PTPRD: variants seen among roughly 807,000 people sequenced by gnomAD.
PTPRD encodes the protein protein tyrosine phosphatase receptor type D, also known as receptor-type tyrosine-protein phosphatase delta.
PTPRD carries 34 observed loss-of-function variants against 214.5 expected under a neutral mutation model. The observed-to-expected ratio is 0.16, with a 90% CI of 0.12 to 0.21. The LOEUF is 0.21. Ranked by LOEUF, PTPRD falls within the 10% of genes least tolerant of loss-of-function variation. The probability of loss-of-function intolerance (pLI) is 1.00; values close to 1 mark genes in which losing one functional copy is unlikely to be tolerated. For missense variants in PTPRD, 2,545 were observed against 2,398.7 expected, an observed-to-expected ratio of 1.06 and a Z score of -1.27; for synonymous variants, 1,128 against 845.7, an observed-to-expected ratio of 1.33 and a Z score of -5.79.
intron 9 of PTPRD, among the ~76,000 whole-genome samples, chr9:9,367,643 T>A (rs990665335): frequency 6.6e-6 from 1 of 151,478 alleles, no homozygotes; most frequent in Admixed American, 6.6e-5. Flanking sequence ...GAAGTTAAAT[T>A]TTTAGGCTAT....
In PTPRD at chr9:8,353,920, A is replaced by ATATATGTG. The variant is rs1241512494; in HGVS notation, c.4662-11943_4662-11942insCACATATA. Reference sequence around the variant, plus strand: ...TATATGTATATATGTGTATATATGTATATATATGTGTGTGTACATATATAT... The same window carrying ATATATGTG: ...TATATGTATATATGTGTATATATGTATATATGTGTATATATGTGTGTGTACATATATAT... On this transcript the variant is annotated intron_variant, in intron 39 of 45. Coordinates refer to ENST00000381196, the MANE Select transcript of PTPRD (RefSeq NM_002839.4). Among the ~76,000 whole-genome samples the ATATATGTG allele has an allele frequency of 1.1e-3, 151 of 131,758 alleles. 14 individuals are homozygous for ATATATGTG. Among genetic ancestry groups the ATATATGTG allele is most frequent in the African/African-American group, 4.6e-3 (138 of 29,684 alleles). The allele number at this position is 131,758 out of a possible 152,430, so 86.4% of individuals were successfully genotyped here.
rs61249776 is a variant in PTPRD, at chr9:10,280,360, CCA to C, written c.-545+60601_-545+60602del. 7.7e-3 allele frequency among the ~76,000 whole-genome samples: 1,105 copies of C among 144,196 alleles called. 13 individuals are homozygous for C. Among genetic ancestry groups the C allele is most frequent in the African/African-American group, 0.022 (858 of 38,708 alleles). 94.6% of individuals were successfully genotyped at this position (144,196 alleles called of 152,430 possible). A position where few individuals can be genotyped will look rare whatever the true frequency, so the allele number is the denominator to read the frequency against. On this transcript the variant is annotated intron_variant, in intron 3 of 45. Coordinates refer to ENST00000381196, the MANE Select transcript of PTPRD (RefSeq NM_002839.4). ...AGAAAAATATTTAAATACATAAACA[CCA>C]CACACACACACACACACACACACAC...
At position 8,554,305 on chromosome 9, in the gene PTPRD, C is replaced by G. The variant is rs193241010; in HGVS notation, c.353-25526G>C. On this transcript the variant is annotated intron_variant, in intron 14 of 45. Coordinates refer to ENST00000381196, the MANE Select transcript of PTPRD (RefSeq NM_002839.4). ...TGAGTTATGAGGAAGAGAAATAAAT[C>G]TGATATTGCTAGAAATAGAAAAAAA... is the stretch of plus-strand genomic sequence containing the variant. Among the ~76,000 whole-genome samples the G allele has an allele frequency of 2.1e-3, 322 of 152,174 alleles. 4 individuals are homozygous for G. Among genetic ancestry groups the G allele is most frequent in the African/African-American group, 7.0e-3 (290 of 41,498 alleles).
At chr9:9,307,656 G>C (rs1370934288) in intron 9 of PTPRD, among the ~76,000 whole-genome samples, 4 of 151,968 alleles carry the variant, frequency 2.6e-5, no homozygotes, top group Admixed American at 1.3e-4. Flanking sequence ...CTCTATACTG[G>C]TGCCAAAGTG....
intron 5 of PTPRD, among the ~76,000 whole-genome samples, chr9:9,802,643 C>T (rs747149367): frequency 1.0e-4 from 15 of 149,666 alleles, no homozygotes; most frequent in Admixed American, 7.9e-4. Flanking sequence ...ATGCTAGGAA[C>T]GTTTTTTTTT....
intron 11 of PTPRD, among the ~76,000 whole-genome samples, chr9:8,972,306 G>C (rs1386116817): frequency 2.0e-5 from 3 of 151,858 alleles, no homozygotes; most frequent in Non-Finnish European, 2.9e-5. Context: ...AACTCTATTA[G>C]ACATGAATAA....
chr9:9,860,680 T>G (rs1240117167), intron 5 of PTPRD, among the ~76,000 whole-genome samples: 1 of 152,230 alleles, frequency 6.6e-6, no homozygotes. Context: ...AATATGTCAA[T>G]GTCACTTAGA....
At chr9:9,204,072 T>C (rs899100194) in intron 9 of PTPRD, among the ~76,000 whole-genome samples, 2 of 152,178 alleles carry the variant, frequency 1.3e-5, no homozygotes, top group African/African-American at 2.4e-5. Flanking sequence ...CTTAGACTAA[T>C]ACTGGCTGCA....
chr9:10,505,802 A>T (rs977741256), intron 2 of PTPRD, among the ~76,000 whole-genome samples: 2 of 152,222 alleles, frequency 1.3e-5, no homozygotes, highest in Admixed American at 6.5e-5. Flanking sequence ...CATCTAGCAT[A>T]GAAGCCAACA....
rs183463015 is a variant in PTPRD, at chr9:10,409,533, C to T, written c.-599-68516G>A. On this transcript the variant is annotated intron_variant, in intron 2 of 45. Transcript: ENST00000381196. ...ATATTTAAGGCTAAACTCTTACTCA[C>T]TTTTAAAAATTTATCTCCTACCTTT... Among the ~76,000 whole-genome samples, 810 of 151,860 alleles carry T rather than the reference C, an allele frequency of 5.3e-3. 6 individuals are homozygous for T. The highest frequency in any genetic ancestry group is 0.018 in the African/African-American group (754 of 41,494).
intron 2 of PTPRD, among the ~76,000 whole-genome samples, chr9:10,592,109 T>C (rs538593851): frequency 2.6e-5 from 4 of 152,084 alleles, no homozygotes; most frequent in African/African-American, 9.7e-5. Flanking sequence ...ACTCTAGTGA[T>C]GAGTATTAAG....
intron 3 of PTPRD, among the ~76,000 whole-genome samples, chr9:10,337,314 T>C (rs990762080): frequency 1.1e-4 from 17 of 151,688 alleles, no homozygotes; most frequent in African/African-American, 3.4e-4. Flanking sequence ...CATGTATATA[T>C]AGATACAAGA....
intron 11 of PTPRD, among the ~76,000 whole-genome samples, chr9:8,841,226 T>C (rs1241007001): frequency 1.3e-5 from 2 of 152,152 alleles, no homozygotes; most frequent in East Asian, 1.9e-4. Flanking sequence ...ATAAGCACAA[T>C]TAAAAAACCA....
intron 7 of PTPRD, among the ~76,000 whole-genome samples, chr9:9,633,427 C>T (rs12378998): frequency 6.6e-6 from 1 of 152,074 alleles, no homozygotes; most frequent in Non-Finnish European, 1.5e-5. Flanking sequence ...AGAATTCAAA[C>T]GACTTCCAAA....
intron 4 of PTPRD, among the ~76,000 whole-genome samples, chr9:9,972,061 T>C (rs1450369216): frequency 2.0e-5 from 3 of 152,308 alleles, no homozygotes; most frequent in East Asian, 1.9e-4. Context: ...TTCCCAGTAA[T>C]ACAAGCCACA....
chr9:10,247,033 G>A (rs542845173), intron 3 of PTPRD, among the ~76,000 whole-genome samples: 1 of 152,190 alleles, frequency 6.6e-6, no homozygotes, highest in East Asian at 1.9e-4. Flanking sequence ...TAAAAATACA[G>A]AATTGCTATA....
chr9:10,024,677 C>G, intron 4 of PTPRD, among the ~76,000 whole-genome samples: 1 of 151,214 alleles, frequency 6.6e-6, no homozygotes, highest in South Asian at 2.1e-4. Context: ...ATGTGCACAA[C>G]GTGCAGGTTT....
At chr9:9,099,900 T>A (rs1168293548) in intron 10 of PTPRD, among the ~76,000 whole-genome samples, 3 of 152,158 alleles carry the variant, frequency 2.0e-5, no homozygotes, top group Non-Finnish European at 2.9e-5. Flanking sequence ...GAGGAAGCAC[T>A]GCAGATTTGA....
chr9:8,972,134 C>T (rs531332017), intron 11 of PTPRD, among the ~76,000 whole-genome samples: 29 of 151,980 alleles, frequency 1.9e-4, no homozygotes, highest in African/African-American at 7.0e-4. Flanking sequence ...CAATGACCAA[C>T]TAACCTCACA....
Sources: gnomAD v4.1 joint callset for allele counts (sites outside exome capture counted in the v4.1 genomes callset) on GRCh38, gnomAD v4.1.1 for gene constraint, MANE v1.5 for transcripts, NCBI Gene and HGNC (gene_info 2026-07-23, HGNC 2026-07-21) for gene names.